MYO5B: variants seen among roughly 807,000 people sequenced by gnomAD.
MYO5B encodes the protein myosin VB.
Under a neutral mutation model 229.3 loss-of-function variants are expected in MYO5B, and 143 were observed. The ratio of observed to expected loss-of-function variants is 0.62; its 90% CI spans 0.54 to 0.72. MYO5B has a LOEUF of 0.72. Ranked by LOEUF, MYO5B falls within the 30% of genes least tolerant of loss-of-function variation. The pLI is 0.00. For synonymous variants in MYO5B, 918 were observed against 885.2 expected, an observed-to-expected ratio of 1.04 and a Z score of -0.66; for missense variants, 2,321 against 2,331.0, an observed-to-expected ratio of 1.00 and a Z score of 0.09.
intron 14 of MYO5B, among the ~76,000 whole-genome samples, chr18:49,938,956 G>A (rs1272531802): frequency 7.6e-6 from 1 of 132,432 alleles, no homozygotes; most frequent in Non-Finnish European, 1.7e-5. Flanking sequence ...ACCCCCTCAA[G>A]GTCTGTGTTG....
chr18:49,923,279 C>G (rs1161120233), intron 17 of MYO5B, among the ~76,000 whole-genome samples: 1 of 152,218 alleles, frequency 6.6e-6, no homozygotes, highest in Non-Finnish European at 1.5e-5. Context: ...CTGTTTCAAT[C>G]TCATATCACT....
chr18:50,069,403 T>C (rs1373952375), intron 1 of MYO5B, among the ~76,000 whole-genome samples: 7 of 152,058 alleles, frequency 4.6e-5, no homozygotes, highest in Admixed American at 6.6e-5. Flanking sequence ...CACCACAACA[T>C]TGGCAAAATT....
At chr18:50,189,068 G>A (rs12455779) in intron 1 of MYO5B, among the ~76,000 whole-genome samples, 3 of 152,186 alleles carry the variant, frequency 2.0e-5, no homozygotes, top group South Asian at 4.1e-4. Context: ...ATGAGCCTCA[G>A]AAGGAAAGTG....
chr18:50,119,984 T>C (rs545312329), intron 1 of MYO5B, among the ~76,000 whole-genome samples: 1 of 148,748 alleles, frequency 6.7e-6, no homozygotes, highest in Admixed American at 6.7e-5. Flanking sequence ...TTGTGCTCCC[T>C]GGGAACATAT....
intron 4 of MYO5B, among the ~76,000 whole-genome samples, chr18:50,018,164 A>G (rs1479930470): frequency 6.6e-6 from 1 of 152,222 alleles, no homozygotes; most frequent in African/African-American, 2.4e-5. Context: ...AGCTCACCAC[A>G]GCCTAGCACT....
At chr18:50,095,228 G>T (rs897118498) in intron 1 of MYO5B, among the ~76,000 whole-genome samples, 3 of 152,188 alleles carry the variant, frequency 2.0e-5, no homozygotes, top group African/African-American at 7.2e-5. Context: ...TTCCACTGAA[G>T]TATCTTCTAT....
rs953384822 is a variant in MYO5B at position 49,929,652 on chromosome 18, T to A, written c.2004-54A>T. The stretch of plus-strand genomic sequence containing the variant: ...GCAAGACAAGAGATGAGTGGCCACA[T>A]TTGCAAAAAAGAAACAAAAAAGAAT... On this transcript the variant is annotated intron_variant, in intron 16 of 39. Coordinates refer to ENST00000285039, the MANE Select transcript of MYO5B (RefSeq NM_001080467.3). The A allele has an allele frequency of 5.4e-6, 8 of 1,469,750 alleles. No individual in the cohort carries two copies. The African/African-American group carries it at 1.1e-4, about 21-fold the overall frequency. The allele number at this position is 1,469,750 out of a possible 1,614,324, so 91.0% of individuals were successfully genotyped here. A position where few individuals can be genotyped will look rare whatever the true frequency, so the allele number is the denominator to read the frequency against.
intron 4 of MYO5B, among the ~76,000 whole-genome samples, chr18:50,005,960 T>C (rs2026096804): frequency 6.6e-6 from 1 of 152,228 alleles, no homozygotes; most frequent in Admixed American, 6.5e-5. Context: ...ACTTGCTTTG[T>C]CCTCCTTTTA....
chr18:50,059,273 G>A (rs1408742469), intron 1 of MYO5B, among the ~76,000 whole-genome samples: 1 of 152,200 alleles, frequency 6.6e-6, no homozygotes. Flanking sequence ...TAAGTACCAT[G>A]TAACAAAGTA....
chr18:49,872,056 C>A, intron 27 of MYO5B, 111 bp downstream of exon 27: 1 of 1,014,012 alleles, frequency 9.9e-7, no homozygotes, highest in Admixed American at 1.7e-5. Context: ...CTGCTTACTG[C>A]TCTCCTTGTT....
intron 1 of MYO5B, among the ~76,000 whole-genome samples, chr18:50,095,953 G>A (rs1258821402): frequency 6.6e-6 from 1 of 152,212 alleles, no homozygotes; most frequent in Non-Finnish European, 1.5e-5. Context: ...TCGGTCCCAA[G>A]TTTGGTGAGC....
At chr18:50,004,720 G>A (rs548446349) in intron 4 of MYO5B, among the ~76,000 whole-genome samples, 4 of 152,244 alleles carry the variant, frequency 2.6e-5, no homozygotes, top group African/African-American at 9.6e-5. Flanking sequence ...GATAAGCTCT[G>A]ATCACACCAC....
chr18:49,964,251 G>T (rs2025596579), intron 10 of MYO5B, among the ~76,000 whole-genome samples: 1 of 152,136 alleles, frequency 6.6e-6, no homozygotes, highest in Non-Finnish European at 1.5e-5. Flanking sequence ...AAAGTGTCTT[G>T]TTCTTCTAAT....
chr18:50,126,676 A>G (rs985329441), intron 1 of MYO5B: 3 of 154,710 alleles, frequency 1.9e-5, no homozygotes, highest in Non-Finnish European at 4.4e-5. Context: ...TCATGCGTGA[A>G]TCATCTCCAG....
In MYO5B at chr18:49,843,322, C is replaced by T; in HGVS notation, c.4530G>A (p.Arg1510=). ...LPAYILYMCI[R]HADYTNDDLK... ...GATCGTCGTTGGTGTAGTCCGCGTGCCGGATGCACATGTAGAGGATGTAGG... is the reference window on the plus strand; with the variant it reads ...GATCGTCGTTGGTGTAGTCCGCGTGTCGGATGCACATGTAGAGGATGTAGG... The change falls in exon 34 of 40, where the codon CGG becomes CGA. Residue 1510 remains arginine (R), a synonymous_variant. Transcript: ENST00000285039. 1 of 1,614,022 alleles carries T rather than the reference C, an allele frequency of 6.2e-7. No individual in the cohort carries two copies.
At chr18:50,180,544 G>A (rs1279358109) in intron 1 of MYO5B, among the ~76,000 whole-genome samples, 1 of 152,076 alleles carries the variant, frequency 6.6e-6, no homozygotes, top group African/African-American at 2.4e-5. Flanking sequence ...TTTACATTGT[G>A]GTAAGATACA....
chr18:50,092,172 C>T (rs973806508), intron 1 of MYO5B, among the ~76,000 whole-genome samples: 4 of 152,082 alleles, frequency 2.6e-5, no homozygotes, highest in Middle Eastern at 3.2e-3. Flanking sequence ...GAATAACTGC[C>T]TGCCTTAAAG....
chr18:50,088,295 A>G (rs956973411), intron 1 of MYO5B, among the ~76,000 whole-genome samples: 16 of 152,202 alleles, frequency 1.1e-4, no homozygotes, highest in African/African-American at 3.6e-4. Flanking sequence ...TCCGAAACAG[A>G]CAAAGGTGAG....
intron 22 of MYO5B, among the ~76,000 whole-genome samples, chr18:49,890,973 T>C (rs2024707336): frequency 6.6e-6 from 1 of 152,184 alleles, no homozygotes; most frequent in South Asian, 2.1e-4. Flanking sequence ...GTGTTTTAAT[T>C]CCTCTCTCAC....
Sources: allele counts gnomAD v4.1 joint callset (sites outside exome capture counted in the v4.1 genomes callset), GRCh38; gene constraint gnomAD v4.1.1; transcripts MANE v1.5; gene names NCBI Gene and HGNC (gene_info 2026-07-23, HGNC 2026-07-21).